PLD5: variants seen among roughly 807,000 people sequenced by gnomAD.
The protein encoded by PLD5 is phospholipase D family member 5, also known as inactive phospholipase D5.
Under a neutral mutation model 61.1 loss-of-function variants are expected in PLD5, and 36 were observed. The observed-to-expected ratio is 0.59, with a 90% CI of 0.45 to 0.78. The LOEUF (loss-of-function observed/expected upper bound fraction) is 0.78. Ranked by LOEUF, PLD5 falls within the 30% of genes least tolerant of loss-of-function variation. The pLI is 0.00. For missense variants in PLD5, 515 were observed against 644.4 expected, an observed-to-expected ratio of 0.80 and a Z score of 2.17; for synonymous variants, 243 against 242.8, an observed-to-expected ratio of 1.00 and a Z score of -0.01.
chr1:242,479,485 C>G (rs1244936961), intron 1 of PLD5, among the ~76,000 whole-genome samples: 3 of 152,036 alleles, frequency 2.0e-5, no homozygotes, highest in Non-Finnish European at 4.4e-5. Flanking sequence ...TCTCTATAAA[C>G]TGAAAAACCA....
rs200337247 is a variant in PLD5 at position 242,288,394 on chromosome 1, C to T, written c.463G>A (p.Asp155Asn). 33 of 1,612,790 alleles carry T rather than the reference C, an allele frequency of 2.0e-5. No individual in the cohort carries two copies. The highest frequency in any genetic ancestry group is 2.6e-5 in the Non-Finnish European group (31 of 1,179,654). Residue 155 changes from aspartate to asparagine, a missense_variant, in exon 3 of 10, where the codon GAT (aspartate) becomes AAT (asparagine). Asp to Asn is a conservative substitution (Grantham distance 23, BLOSUM62 1). This residue lies in a region of PLD5 where 450 missense variants were observed against 598.1 expected (regional missense o/e 0.75). Transcript: ENST00000536534. ...GCTGATGGATGAGTGTGGTTGAGAT[C>T]CCAATGGGAAGACACTATGTCAACA... Reference protein sequence around the residue: ...KSVDIVSSHWDLNHTHPSACQ... With the variant: ...KSVDIVSSHWNLNHTHPSACQ...
chr1:242,180,767 G>A (rs180858223), intron 5 of PLD5, among the ~76,000 whole-genome samples: 1 of 152,262 alleles, frequency 6.6e-6, no homozygotes, highest in East Asian at 1.9e-4. Context: ...GATCGCTTGA[G>A]CTCAGGAGTT....
At chr1:242,344,659 A>AT (rs1319115187) in intron 2 of PLD5, among the ~76,000 whole-genome samples, 3 of 152,134 alleles carry the variant, frequency 2.0e-5, no homozygotes, top group Non-Finnish European at 4.4e-5. Flanking sequence ...TGTGACACAG[A>AT]TTTTTTTAAT....
intron 1 of PLD5, among the ~76,000 whole-genome samples, chr1:242,478,361 C>T (rs1490307044): frequency 1.3e-5 from 2 of 152,114 alleles, no homozygotes; most frequent in Non-Finnish European, 2.9e-5. Flanking sequence ...TTCCAAAGAC[C>T]TCTGGGTGGC....
intron 1 of PLD5, among the ~76,000 whole-genome samples, chr1:242,405,557 T>C (rs2796066): frequency 0.66 from 100,605 of 151,696 alleles, 34,055 homozygotes; most frequent in African/African-American, 0.8. Flanking sequence ...TCTCCAGTCA[T>C]GAGGAACTGT....
At chr1:242,497,263 T>C (rs1176128875) in intron 1 of PLD5, among the ~76,000 whole-genome samples, 2 of 152,206 alleles carry the variant, frequency 1.3e-5, no homozygotes, top group Non-Finnish European at 2.9e-5. Context: ...GTTCTTTCAA[T>C]GACACCAGAT....
At chr1:242,369,568 G>A (rs144521231) in intron 1 of PLD5, among the ~76,000 whole-genome samples, 10 of 152,266 alleles carry the variant, frequency 6.6e-5, no homozygotes, top group African/African-American at 2.2e-4. Context: ...AAGATTCAAT[G>A]GAATCACATA....
chr1:242,389,979 T>C (rs994325119), intron 1 of PLD5, among the ~76,000 whole-genome samples: 3 of 150,828 alleles, frequency 2.0e-5, no homozygotes, highest in African/African-American at 7.3e-5. Context: ...ACAAAATGTA[T>C]CAAATACTCT....
At chr1:242,493,032 G>GA (rs1365224610) in intron 1 of PLD5, among the ~76,000 whole-genome samples, 1 of 152,008 alleles carries the variant, frequency 6.6e-6, no homozygotes, top group Non-Finnish European at 1.5e-5. Flanking sequence ...CACTGCAAAA[G>GA]AAAAAAGCAA....
chr1:242,129,648 T>C (rs762683361), intron 5 of PLD5, among the ~76,000 whole-genome samples: 6 of 152,224 alleles, frequency 3.9e-5, no homozygotes, highest in Non-Finnish European at 8.8e-5. Flanking sequence ...AAATTCTTAA[T>C]TTTTAAAAAT....
chr1:242,400,494 C>G (rs188462363), intron 1 of PLD5, among the ~76,000 whole-genome samples: 2 of 152,094 alleles, frequency 1.3e-5, no homozygotes, highest in Admixed American at 1.3e-4. Context: ...ATCTCAGGGA[C>G]CCCACACTCT....
chr1:242,457,118 T>A (rs915993939), intron 1 of PLD5, among the ~76,000 whole-genome samples: 1 of 152,172 alleles, frequency 6.6e-6, no homozygotes, highest in East Asian at 1.9e-4. Flanking sequence ...TGTTTTCATG[T>A]TTTGTGGTGA....
intron 5 of PLD5, among the ~76,000 whole-genome samples, chr1:242,187,538 A>G (rs1667985414): frequency 6.6e-6 from 1 of 152,206 alleles, no homozygotes; most frequent in African/African-American, 2.4e-5. Context: ...AAAAATCTAT[A>G]TGCAGATAGA....
chr1:242,514,413 C>G (rs1669034439), intron 1 of PLD5, among the ~76,000 whole-genome samples: 1 of 152,108 alleles, frequency 6.6e-6, no homozygotes, highest in Non-Finnish European at 1.5e-5. Context: ...GATTTAAGGT[C>G]TCTGAAGCAA....
At chr1:242,368,954 T>C (rs1198283570) in intron 1 of PLD5, among the ~76,000 whole-genome samples, 1 of 152,188 alleles carries the variant, frequency 6.6e-6, no homozygotes, top group Non-Finnish European at 1.5e-5. Context: ...ATCTCCTGTG[T>C]CACCACCGTT....
intron 1 of PLD5, among the ~76,000 whole-genome samples, chr1:242,511,244 C>T (rs749381051): frequency 2.6e-5 from 4 of 152,046 alleles, no homozygotes; most frequent in Non-Finnish European, 5.9e-5. Flanking sequence ...CAGGGGTCTA[C>T]GGATATAAAT....
chr1:242,285,754 C>G (rs1480086321), intron 3 of PLD5, among the ~76,000 whole-genome samples: 1 of 151,846 alleles, frequency 6.6e-6, no homozygotes, highest in Non-Finnish European at 1.5e-5. Context: ...TTTTGAAGTA[C>G]TTCTATAGTA....
chr1:242,490,668 T>G (rs1196564838), intron 1 of PLD5, among the ~76,000 whole-genome samples: 2 of 152,238 alleles, frequency 1.3e-5, no homozygotes, highest in East Asian at 3.8e-4. Flanking sequence ...GCAACCTTTG[T>G]GTAGAACCCA....
intron 5 of PLD5, among the ~76,000 whole-genome samples, chr1:242,161,959 C>T (rs146445242): frequency 3.4e-4 from 52 of 152,300 alleles, no homozygotes; most frequent in Admixed American, 3.9e-4. Flanking sequence ...ACAGACACAG[C>T]TGTTCAACCT....
Sources: allele counts gnomAD v4.1 joint callset (sites outside exome capture counted in the v4.1 genomes callset), GRCh38; gene constraint gnomAD v4.1.1; regional missense constraint gnomAD v4.1.1; transcripts MANE v1.5; gene names NCBI Gene and HGNC (gene_info 2026-07-23, HGNC 2026-07-21).